Variants in LRP1B observed in about 807,000 individuals in gnomAD.
LRP1B encodes LDL receptor related protein 1B.
Under a neutral mutation model 556.6 loss-of-function variants are expected in LRP1B, and 217 were observed. The ratio of observed to expected loss-of-function variants is 0.39; its 90% confidence interval spans 0.35 to 0.44. The LOEUF is 0.44. LRP1B is among the 20% of genes least tolerant of loss of function. The pLI is 1.00. For synonymous variants in LRP1B, 2,047 were observed against 1,865.8 expected, an observed-to-expected ratio of 1.10 and a Z score of -2.50; for missense variants, 5,053 against 5,620.8, an observed-to-expected ratio of 0.90 and a Z score of 3.23.
intron 63 of LRP1B, among the ~76,000 whole-genome samples, chr2:140,445,210 T>A (rs1686603226): frequency 6.6e-6 from 1 of 151,904 alleles, no homozygotes; most frequent in African/African-American, 2.4e-5. Flanking sequence ...CTGTCTCCCA[T>A]GTCCAAGCAA....
chr2:140,878,530 C>A (rs1693377346), intron 25 of LRP1B, among the ~76,000 whole-genome samples: 1 of 152,042 alleles, frequency 6.6e-6, no homozygotes, highest in Admixed American at 6.6e-5. Flanking sequence ...TAAATTAAAT[C>A]TCACTTCAAT....
chr2:140,971,270 T>C (rs1696414672), intron 18 of LRP1B, among the ~76,000 whole-genome samples: 1 of 151,846 alleles, frequency 6.6e-6, no homozygotes, highest in Non-Finnish European at 1.5e-5. Context: ...GTCACAAAGA[T>C]GGAGGGAGAG....
chr2:140,967,024 G>T (rs1423264730), intron 18 of LRP1B, among the ~76,000 whole-genome samples: 1 of 152,118 alleles, frequency 6.6e-6, no homozygotes, highest in East Asian at 1.9e-4. Flanking sequence ...TTGGCAATGA[G>T]GGCTCTTTTT....
chr2:140,862,282 G>A (rs1169145768), intron 27 of LRP1B, among the ~76,000 whole-genome samples: 1 of 152,082 alleles, frequency 6.6e-6, no homozygotes, highest in Non-Finnish European at 1.5e-5. Flanking sequence ...AAAACCAAAT[G>A]AAGAATACTA....
chr2:141,539,814 T>G (rs1247348407), intron 2 of LRP1B, among the ~76,000 whole-genome samples: 1 of 152,156 alleles, frequency 6.6e-6, no homozygotes, highest in African/African-American at 2.4e-5. Context: ...AATCTAAATT[T>G]TATATAATAT....
At chr2:141,164,539 T>C (rs1680169106) in intron 7 of LRP1B, among the ~76,000 whole-genome samples, 1 of 152,130 alleles carries the variant, frequency 6.6e-6, no homozygotes, top group African/African-American at 2.4e-5. Flanking sequence ...TTTTGAATGT[T>C]AGAGAAGTGA....
chr2:140,559,027 C>T (rs1300380034), intron 43 of LRP1B, among the ~76,000 whole-genome samples: 1 of 150,476 alleles, frequency 6.6e-6, no homozygotes, highest in Non-Finnish European at 1.5e-5. Flanking sequence ...ATATCAAAAA[C>T]ATTTTATGAT....
At chr2:141,097,336 G>C (rs1700347830) in intron 7 of LRP1B, among the ~76,000 whole-genome samples, 1 of 152,010 alleles carries the variant, frequency 6.6e-6, no homozygotes. Flanking sequence ...TGAAACTTTT[G>C]AAGTTTCTCT....
chr2:141,794,735 T>C (rs1695743756), intron 2 of LRP1B, among the ~76,000 whole-genome samples: 1 of 152,004 alleles, frequency 6.6e-6, no homozygotes, highest in Non-Finnish European at 1.5e-5. Context: ...AAGTATATAA[T>C]TGATGTCTTA....
intron 1 of LRP1B, among the ~76,000 whole-genome samples, chr2:141,864,519 A>AT (rs1698343269): frequency 6.6e-6 from 1 of 151,256 alleles, no homozygotes; most frequent in Non-Finnish European, 1.5e-5. Flanking sequence ...ATAAGGATGC[A>AT]TTCTTCCTTC....
intron 2 of LRP1B, among the ~76,000 whole-genome samples, chr2:141,753,240 C>A (rs1015712183): frequency 5.6e-5 from 4 of 72,056 alleles, no homozygotes; most frequent in African/African-American, 1.9e-4. Flanking sequence ...AAGAGCCAAA[C>A]ACACACACTC....
chr2:141,185,688 A>AAAC (rs751752444), intron 7 of LRP1B, among the ~76,000 whole-genome samples: 7 of 33,864 alleles, frequency 2.1e-4, no homozygotes, highest in Non-Finnish European at 5.1e-4. Flanking sequence ...ACAAACAAAC[A>AAAC]AAAAAAAACA....
At chr2:140,851,523 A>G in intron 28 of LRP1B, 129 bp downstream of exon 28, 6 of 936,858 alleles carry the variant, frequency 6.4e-6, no homozygotes, top group Non-Finnish European at 7.9e-6. Context: ...TAGCACCACC[A>G]CCTAAAATAT....
At chr2:141,084,704 C>T (rs536615233) in intron 7 of LRP1B, among the ~76,000 whole-genome samples, 1 of 149,512 alleles carries the variant, frequency 6.7e-6, no homozygotes, top group African/African-American at 2.5e-5. Context: ...GACTGGAGTG[C>T]AGTGGTGCGA....
chr2:140,686,926 T>TA (rs1048799272), intron 41 of LRP1B, among the ~76,000 whole-genome samples: 4 of 151,772 alleles, frequency 2.6e-5, no homozygotes, highest in South Asian at 2.1e-4. Flanking sequence ...AGTTTGGTAT[T>TA]AAAAAAAATG....
intron 7 of LRP1B, among the ~76,000 whole-genome samples, chr2:141,177,353 C>T (rs1310003542): frequency 6.6e-6 from 1 of 152,052 alleles, no homozygotes; most frequent in Non-Finnish European, 1.5e-5. Flanking sequence ...GTAGTTGCTA[C>T]CACAAGTACA....
intron 3 of LRP1B, among the ~76,000 whole-genome samples, chr2:141,258,031 G>T (rs1156757841): frequency 6.6e-6 from 1 of 152,182 alleles, no homozygotes. Flanking sequence ...CATAGCCATT[G>T]GCTTATGTAA....
intron 4 of LRP1B, among the ~76,000 whole-genome samples, chr2:141,252,207 T>TAA (rs70991149): frequency 1.4e-5 from 1 of 71,872 alleles, no homozygotes; most frequent in African/African-American, 5.7e-5. Flanking sequence ...CCCCACCCCC[T>TAA]AAAAAAAAAA....
At chr2:140,800,096 T>A (rs1456305624) in intron 32 of LRP1B, among the ~76,000 whole-genome samples, 1 of 152,258 alleles carries the variant, frequency 6.6e-6, no homozygotes, top group East Asian at 1.9e-4. Flanking sequence ...ATGTCCTTTG[T>A]AGGGACATGG....
Sources: gnomAD v4.1 joint callset for allele counts (sites outside exome capture counted in the v4.1 genomes callset) on GRCh38, gnomAD v4.1.1 for gene constraint, MANE v1.5 for transcripts, NCBI Gene and HGNC (gene_info 2026-07-23, HGNC 2026-07-21) for gene names.